Variants in FRMD4B observed in about 807,000 individuals in gnomAD.
The protein encoded by FRMD4B is FERM domain containing 4B.
A neutral mutation model predicts 141.5 loss-of-function variants in FRMD4B; 74 were observed. The ratio of observed to expected loss-of-function variants is 0.52; its 90% CI spans 0.43 to 0.63. The LOEUF (loss-of-function observed/expected upper bound fraction) is 0.63. Ranked by LOEUF, FRMD4B falls within the 30% of genes least tolerant of loss-of-function variation. FRMD4B has a pLI of 0.00. For synonymous variants in FRMD4B, 506 were observed against 467.9 expected (o/e 1.08, Z -1.05); for missense variants, 1,366 against 1,253.4 (o/e 1.09, Z -1.36).
chr3:69,396,764 A>C (rs971854302), intron 2 of FRMD4B, among the ~76,000 whole-genome samples: 1 of 152,194 alleles, frequency 6.6e-6, no homozygotes. Context: ...AATGTGGAAA[A>C]GACTGGAGTT....
intron 11 of FRMD4B, 37 bp from the exon 12 acceptor site, chr3:69,198,811 G>A (rs1406573465): frequency 9.8e-7 from 1 of 1,016,126 alleles, no homozygotes. Context: ...TATTATTTAT[G>A]CTTATTTTTA....
rs192612811 is a variant in FRMD4B at position 69,423,201 on chromosome 3, T to A, written c.-1+9433A>T. 2.0e-5 allele frequency among the ~76,000 whole-genome samples: 3 copies of A among 152,362 alleles called. No individual in the cohort carries two copies. In the East Asian group the frequency reaches 5.8e-4, roughly 29 times the overall value. On this transcript the variant is annotated intron_variant, in intron 2 of 5. Transcript: ENST00000459638. The stretch of plus-strand genomic sequence containing the variant: ...TCTCGCTCTGTTGCCCAGGCTGTAG[T>A]GCAGTGGCACAATCATAGCCCACTG...
At chr3:69,231,947 T>C (rs1054571834) in intron 7 of FRMD4B, among the ~76,000 whole-genome samples, 4 of 152,180 alleles carry the variant, frequency 2.6e-5, no homozygotes, top group African/African-American at 9.7e-5. Context: ...TCTGGGAGCC[T>C]GAGGCTGCAA....
At chr3:69,498,844 G>A (rs765135095) in intron 1 of FRMD4B, among the ~76,000 whole-genome samples, 5 of 152,002 alleles carry the variant, frequency 3.3e-5, no homozygotes, top group Admixed American at 6.5e-5. Context: ...AGTATTTATC[G>A]AATATCTACT....
intron 5 of FRMD4B, among the ~76,000 whole-genome samples, chr3:69,272,562 C>T (rs1019674490): frequency 2.6e-5 from 4 of 152,212 alleles, no homozygotes; most frequent in African/African-American, 9.6e-5. Flanking sequence ...AGGATTAAAA[C>T]ACATACACTC....
intron 1 of FRMD4B, among the ~76,000 whole-genome samples, chr3:69,474,402 G>A (rs969195478): frequency 3.9e-5 from 6 of 152,254 alleles, no homozygotes; most frequent in Admixed American, 2.0e-4. Flanking sequence ...TTAAGTTCCT[G>A]AGTATTGCTG....
chr3:69,246,882 T>C (rs1575654325), intron 7 of FRMD4B, among the ~76,000 whole-genome samples: 1 of 152,228 alleles, frequency 6.6e-6, no homozygotes, highest in East Asian at 1.9e-4. Flanking sequence ...CTTGATGTCC[T>C]AGGGCTCAAA....
intron 1 of FRMD4B, among the ~76,000 whole-genome samples, chr3:69,363,980 T>C (rs1012148545): frequency 1.1e-4 from 16 of 152,158 alleles, no homozygotes; most frequent in African/African-American, 3.9e-4. Flanking sequence ...GTGTATTCTA[T>C]GACATCAGAG....
At chr3:69,310,259 T>C in intron 3 of FRMD4B, among the ~76,000 whole-genome samples, 1 of 152,198 alleles carries the variant, frequency 6.6e-6, no homozygotes, top group South Asian at 2.1e-4. Context: ...AGGCTGGGAA[T>C]AATCAGAAGC....
intron 2 of FRMD4B, among the ~76,000 whole-genome samples, chr3:69,407,882 G>A (rs1162773449): frequency 2.6e-5 from 4 of 151,966 alleles, no homozygotes; most frequent in Non-Finnish European, 5.9e-5. Context: ...TTTTTTCCTC[G>A]TGGAGCCAGG....
chr3:69,230,902 C>T (rs1484745638), intron 7 of FRMD4B, among the ~76,000 whole-genome samples: 2 of 152,184 alleles, frequency 1.3e-5, no homozygotes, highest in East Asian at 3.8e-4. Flanking sequence ...ATGAATGTCA[C>T]ACATATTGAG....
At chr3:69,504,968 G>T (rs1002004838) in intron 1 of FRMD4B, among the ~76,000 whole-genome samples, 1 of 152,114 alleles carries the variant, frequency 6.6e-6, no homozygotes, top group South Asian at 2.1e-4. Flanking sequence ...TCTCTTCCTT[G>T]TGATGCCTGG....
chr3:69,499,237 C>T (rs1370273032), intron 1 of FRMD4B, among the ~76,000 whole-genome samples: 1 of 152,136 alleles, frequency 6.6e-6, no homozygotes, highest in Non-Finnish European at 1.5e-5. Flanking sequence ...ATTATAGACT[C>T]TTTTGGGCCA....
rs72930244 is a variant in FRMD4B, at chr3:69,200,646, G to A, written c.877-1872C>T. On this transcript the variant is annotated intron_variant, in intron 11 of 22. Transcript: ENST00000398540. ...TACTCCTTCCTCCCATCAGGGAGAG[G>A]AGGGCAAAGTTCTCAGTGGCAGATT... The A allele has an allele frequency of 1.6e-3, 1,954 of 1,231,728 alleles. 20 individuals carry two copies. In the African/African-American group the frequency reaches 0.028, roughly 18 times the overall value. The allele number at this position is 1,231,728 out of a possible 1,614,324, so 76.3% of individuals were successfully genotyped here.
chr3:69,321,999 C>T (rs1488310526), intron 1 of FRMD4B, among the ~76,000 whole-genome samples: 3 of 152,124 alleles, frequency 2.0e-5, no homozygotes, highest in African/African-American at 4.8e-5. Flanking sequence ...TGAGCCATTG[C>T]GTCTGGCTCA....
intron 1 of FRMD4B, among the ~76,000 whole-genome samples, chr3:69,493,614 A>G (rs1469274664): frequency 6.6e-6 from 1 of 152,084 alleles, no homozygotes; most frequent in African/African-American, 2.4e-5. Context: ...CCAGCACTCC[A>G]TTTATTCGCC....
At chr3:69,385,765 C>G in intron 1 of FRMD4B, 63 bp downstream of exon 1, 1 of 1,371,004 alleles carries the variant, frequency 7.3e-7, no homozygotes, top group South Asian at 1.5e-5. Flanking sequence ...ACAGGTGGAG[C>G]CTGCTTCCCA....
chr3:69,425,562 G>A (rs145802772), intron 2 of FRMD4B, among the ~76,000 whole-genome samples: 3 of 152,276 alleles, frequency 2.0e-5, no homozygotes, highest in Non-Finnish European at 4.4e-5. Context: ...TCAATAACAT[G>A]CATGTCTTCT....
At chr3:69,184,424 T>C (rs2092743918) in intron 19 of FRMD4B, among the ~76,000 whole-genome samples, 1 of 152,250 alleles carries the variant, frequency 6.6e-6, no homozygotes, top group Non-Finnish European at 1.5e-5. Flanking sequence ...CCTACAGTGT[T>C]ATTTTAATGA....
Sources: allele counts gnomAD v4.1 joint callset (sites outside exome capture counted in the v4.1 genomes callset), GRCh38; gene constraint gnomAD v4.1.1; transcripts MANE v1.5; gene names NCBI Gene and HGNC (gene_info 2026-07-23, HGNC 2026-07-21).